Variants in RARS1 observed in about 807,000 individuals in gnomAD.
RARS1 encodes arginyl-tRNA synthetase 1.
RARS1 carries 75 observed loss-of-function variants against 78.7 expected under a neutral mutation model. The observed-to-expected ratio is 0.95, with a 90% CI of 0.79 to 1.15. The LOEUF (loss-of-function observed/expected upper bound fraction) is 1.15. Ranked by LOEUF, RARS1 falls within the 50% of genes most tolerant of loss-of-function variation. RARS1 has a pLI of 0.00. For synonymous variants in RARS1, 273 were observed against 268.2 expected (o/e 1.02, Z -0.18); for missense variants, 787 against 787.5 (o/e 1.00, Z 0.01).
intron 4 of RARS1, 61 bp from the exon 5 acceptor site, chr5:168,494,489 A>T (rs1436046021): frequency 4.7e-5 from 75 of 1,593,790 alleles, no homozygotes; most frequent in Non-Finnish European, 6.2e-5. Flanking sequence ...GCAAATCCTT[A>T]GGAGCGAGTG....
intron 11 of RARS1, 140 bp from the exon 12 acceptor site, chr5:168,510,441 T>C (rs1247762198): frequency 1.0e-5 from 7 of 667,490 alleles, no homozygotes; most frequent in Non-Finnish European, 1.8e-5. Context: ...CTCTTAATAG[T>C]TCTCAGGGGC....
At chr5:168,498,718 A>G (rs576710198) in intron 7 of RARS1, among the ~76,000 whole-genome samples, 1 of 152,198 alleles carries the variant, frequency 6.6e-6, no homozygotes, top group African/African-American at 2.4e-5. Flanking sequence ...TGTAATCCCA[A>G]CATTTTGAGA....
intron 9 of RARS1, among the ~76,000 whole-genome samples, chr5:168,503,462 G>A (rs1758371649): frequency 6.6e-6 from 1 of 152,140 alleles, no homozygotes. Flanking sequence ...CTCAAAGTGA[G>A]TTGTTTGATT....
chr5:168,488,277 G>C (rs950137221), intron 1 of RARS1: 6 of 332,446 alleles, frequency 1.8e-5, no homozygotes, highest in Non-Finnish European at 3.5e-5. Context: ...ACAGGCATGC[G>C]CCACCATGCC....
rs1758458735 is a variant in RARS1 at position 168,506,814 on chromosome 5, G to C, written c.1329G>C (p.Val443=). 6.2e-7 allele frequency: 1 copy of C among 1,610,836 alleles called. No homozygotes were observed. Among genetic ancestry groups the C allele is most frequent in the African/African-American group, 1.3e-5 (1 of 74,806 alleles). ...GAGTCTTCCATGCTGGATTTGGTGT[G>C]GTGCTAGGGGAAGACAAGTAAGTCT... The part of the protein sequence containing the change: ...VTRVFHAGFG[V]VLGEDKKKFK... The change falls in exon 11 of 15, where the codon GTG becomes GTC. Residue 443 remains valine (V), a synonymous_variant. Transcript: ENST00000231572.
At chr5:168,489,719 C>G (rs4976614) in intron 2 of RARS1, among the ~76,000 whole-genome samples, 29,851 of 152,036 alleles carry the variant, frequency 0.2, 3,267 homozygotes, top group Admixed American at 0.3. Flanking sequence ...CAGACAAACT[C>G]TGCAGGCATT....
In RARS1 at chr5:168,510,561, G is replaced by A. The variant is rs1187845646; in HGVS notation, c.1347-20G>A. The A allele has an allele frequency of 6.4e-7, 1 of 1,559,642 alleles. No homozygotes were observed. Among genetic ancestry groups the A allele is most frequent in the Admixed American group, 1.8e-5 (1 of 55,154 alleles). ...GAAAAGTCTGTTTCAAAATCTGATT[G>A]GGGGTTTTACATTTTTTAGGAAAAA... On this transcript the variant is annotated intron_variant, in intron 11 of 14. Coordinates refer to ENST00000231572, the MANE Select transcript of RARS1 (RefSeq NM_002887.4).
intron 4 of RARS1, 21 bp from the exon 5 acceptor site, chr5:168,494,529 T>A (rs368735033): frequency 4.9e-5 from 78 of 1,605,606 alleles, no homozygotes; most frequent in Admixed American, 1.7e-5. Context: ...TATCTGATAT[T>A]TTTTCTCTTC....
intron 12 of RARS1, among the ~76,000 whole-genome samples, chr5:168,513,241 G>A (rs1046814108): frequency 1.6e-5 from 2 of 124,846 alleles, no homozygotes; most frequent in Non-Finnish European, 3.3e-5. Context: ...TTTTTTTTTA[G>A]TAGAGACGGG....
intron 2 of RARS1, among the ~76,000 whole-genome samples, chr5:168,489,363 T>C (rs1471489320): frequency 6.6e-6 from 1 of 152,182 alleles, no homozygotes; most frequent in Non-Finnish European, 1.5e-5. Flanking sequence ...CATGCCTTTT[T>C]TAAAAAAACA....
chr5:168,509,427 A>AT (rs1304094572), intron 11 of RARS1, among the ~76,000 whole-genome samples: 10 of 111,832 alleles, frequency 8.9e-5, no homozygotes, highest in Non-Finnish European at 1.4e-4. Flanking sequence ...TATTTGAGGG[A>AT]TTTTTTAAAC....
At chr5:168,502,381 T>C (rs1758346003) in intron 9 of RARS1, among the ~76,000 whole-genome samples, 1 of 83,330 alleles carries the variant, frequency 1.2e-5, no homozygotes, top group Admixed American at 1.1e-4. Flanking sequence ...TATATATATA[T>C]ATATTTTTTT....
At chr5:168,495,784 G>A (rs1000268420) in intron 6 of RARS1, among the ~76,000 whole-genome samples, 21 of 152,128 alleles carry the variant, frequency 1.4e-4, no homozygotes, top group African/African-American at 2.4e-5. Context: ...GCTGTGAGAG[G>A]CAATTGAGAT....
intron 6 of RARS1, 105 bp downstream of exon 6, chr5:168,495,541 C>T (rs934147408): frequency 6.8e-7 from 1 of 1,461,124 alleles, no homozygotes; most frequent in African/African-American, 1.4e-5. Context: ...TCGACTAAAT[C>T]AGTGGTTCAT....
chr5:168,498,731 C>T (rs1156852122), intron 7 of RARS1, among the ~76,000 whole-genome samples: 7 of 152,046 alleles, frequency 4.6e-5, no homozygotes, highest in Non-Finnish European at 1.0e-4. Context: ...TTTTGAGAGG[C>T]CAAGGTGGGC....
Position 168,492,741 on chromosome 5 carries a change from T to A in RARS1, c.263T>A (p.Ile88Asn). 6.2e-7 allele frequency: 1 copy of A among 1,613,128 alleles called. No homozygotes were observed. Among genetic ancestry groups the A allele is most frequent in the South Asian group, 1.1e-5 (1 of 91,062 alleles). The change falls in exon 3 of 15, where the codon ATT becomes AAT. Residue 88 changes from isoleucine (I) to asparagine (N), a missense_variant. By Grantham distance (149) the Ile-to-Asn change is moderately radical. Transcript: ENST00000231572. Reference protein sequence around the residue: ...SRLQEVFGHAIKAAYPDLENP... With the variant: ...SRLQEVFGHANKAAYPDLENP... Reference sequence around the variant, plus strand: ...CTACAAGAGGTCTTTGGTCATGCAATTAAGGCTGCATATCCAGATTTGGAA... The same window carrying A: ...CTACAAGAGGTCTTTGGTCATGCAAATAAGGCTGCATATCCAGATTTGGAA...
At chr5:168,495,533 G>A (rs922834683) in intron 6 of RARS1, 97 bp downstream of exon 6, 6 of 1,471,888 alleles carry the variant, frequency 4.1e-6, no homozygotes, top group South Asian at 1.5e-5. Context: ...AAGAACATTC[G>A]ACTAAATCAG....
chr5:168,497,337 G>C lies in RARS1; in HGVS notation c.811G>C (p.Val271Leu). The C allele has an allele frequency of 6.3e-7, 1 of 1,577,068 alleles. No individual in the cohort carries two copies. The highest frequency in any genetic ancestry group is 1.2e-5 in the South Asian group (1 of 83,202). Reference sequence around the variant, plus strand: ...TTCACCTCCTATTGGGGATCTTCAGGTCTTTTATAAGGTTTGATACCATTT... The same window carrying C: ...TTCACCTCCTATTGGGGATCTTCAGCTCTTTTATAAGGTTTGATACCATTT... ...TVSPPIGDLQ[V>L]FYKESKKRFD... Residue 271 changes from valine to leucine, a missense_variant, in exon 7 of 15, where the codon GTC becomes CTC. Coordinates refer to ENST00000231572, the MANE Select transcript of RARS1 (RefSeq NM_002887.4).
intron 12 of RARS1, among the ~76,000 whole-genome samples, chr5:168,513,103 T>C (rs1758597326): frequency 6.6e-6 from 1 of 151,738 alleles, no homozygotes; most frequent in African/African-American, 2.4e-5. Context: ...TGGAGTGCAG[T>C]GGCACGATCT....
Sources: gnomAD v4.1 joint callset for allele counts (sites outside exome capture counted in the v4.1 genomes callset) on GRCh38, gnomAD v4.1.1 for gene constraint, MANE v1.5 for transcripts, NCBI Gene and HGNC (gene_info 2026-07-23, HGNC 2026-07-21) for gene names.